CYP2B6: variants seen among roughly 807,000 people sequenced by gnomAD.
CYP2B6 encodes the protein cytochrome P450 family 2 subfamily B member 6.
In CYP2B6, 35 loss-of-function variants were observed where a neutral mutation model predicts 43.4. That is an observed-to-expected ratio of 0.81 (90% CI 0.62 to 1.07). The LOEUF (loss-of-function observed/expected upper bound fraction) is 1.07, where lower values mean the gene tolerates loss of function less well. Among genes scored for constraint, CYP2B6 ranks in the 50% least tolerant of loss-of-function variants. CYP2B6 has a pLI of 0.00. For synonymous variants in CYP2B6, 239 were observed against 239.2 expected, an observed-to-expected ratio of 1.00 and a Z score of 0.01; for missense variants, 624 against 632.8, an observed-to-expected ratio of 0.99 and a Z score of 0.15.
intron 1 of CYP2B6, among the ~76,000 whole-genome samples, chr19:40,999,052 G>A (rs1299854816): frequency 6.9e-6 from 1 of 144,026 alleles, no homozygotes; most frequent in East Asian, 2.0e-4. Flanking sequence ...CAGTGTAAAA[G>A]TGTTCCTATT....
chr19:41,016,550 G>C lies in CYP2B6; in HGVS notation c.1295-96G>C, dbSNP rs771841772. 818 of 1,305,570 alleles carry C rather than the reference G, an allele frequency of 6.3e-4. 1 individual carries two copies. The highest frequency in any genetic ancestry group is 7.7e-4 in the Non-Finnish European group (701 of 911,024). The allele number at this position is 1,305,570 out of a possible 1,614,324, so 80.9% of individuals were successfully genotyped here. On this transcript the variant is annotated intron_variant, in intron 8 of 8. Transcript: ENST00000324071. ...TTAAAGGCCAGTCTTATGCAAATCT[G>C]TTGCAGTGGACATTTGTGTCTGGGC...
At chr19:40,998,695 A>C (rs1969035351) in intron 1 of CYP2B6, among the ~76,000 whole-genome samples, 1 of 139,972 alleles carries the variant, frequency 7.1e-6, no homozygotes, top group Non-Finnish European at 1.5e-5. Flanking sequence ...TGTTCTTGCG[A>C]TAGTTTACTG....
chr19:40,995,747 A>G (rs1599841460), intron 1 of CYP2B6, among the ~76,000 whole-genome samples: 2 of 152,306 alleles, frequency 1.3e-5, no homozygotes, highest in South Asian at 4.1e-4. Flanking sequence ...ATCAATCAAT[A>G]ATACCTGAGA....
chr19:41,014,355 G>A (rs35412065), intron 8 of CYP2B6, among the ~76,000 whole-genome samples: 69 of 151,924 alleles, frequency 4.5e-4, no homozygotes, highest in African/African-American at 1.6e-3. Flanking sequence ...GCCCAGGCTG[G>A]AGTGCAGTGT....
In CYP2B6 at chr19:41,012,765, A is replaced by C; in HGVS notation, c.1244A>C (p.Asp415Ala). The change falls in exon 8 of 9, where the codon GAT becomes GCT. Residue 415 changes from aspartate to alanine, a missense_variant. Coordinates refer to ENST00000324071, the MANE Select transcript of CYP2B6 (RefSeq NM_000767.5). ...GCCTTCAATCCTGACCACTTTCTGG[A>C]TGCCAATGGGGCACTGAAAAAGACT... ...PDAFNPDHFL[D>A]ANGALKKTEA... 1 of 1,614,146 alleles carries C rather than the reference A, an allele frequency of 6.2e-7. No individual in the cohort carries two copies. The highest frequency in any genetic ancestry group is 8.5e-7 in the Non-Finnish European group (1 of 1,180,028).
In CYP2B6 at chr19:41,016,688, T is replaced by G; in HGVS notation, c.1337T>G (p.Leu446Trp). The G allele has an allele frequency of 6.2e-7, 1 of 1,614,214 alleles. No individual in the cohort carries two copies. The highest frequency in any genetic ancestry group is 8.5e-7 in the Non-Finnish European group (1 of 1,180,032). Residue 446 changes from leucine (L) to tryptophan (W), a missense_variant, in exon 9 of 9, where the codon TTG becomes TGG. Transcript: ENST00000324071. ...GGTGAAGGCATCGCCCGTGCGGAAT[T>G]GTTCCTCTTCTTCACCACCATCCTC... ...CLGEGIARAE[L>W]FLFFTTILQN...
intron 3 of CYP2B6, among the ~76,000 whole-genome samples, chr19:41,005,728 C>G (rs1969169337): frequency 1.3e-5 from 2 of 151,118 alleles, no homozygotes; most frequent in South Asian, 4.3e-4. Context: ...TTGCCGTGAG[C>G]TAAGATCACA....
rs139818840 is a variant in CYP2B6 at position 41,017,033 on chromosome 19, CATAT to C, written c.*217_*220del. On this transcript the variant is annotated 3_prime_UTR_variant, in exon 9 of 9. Transcript: ENST00000324071. ...TATCGAAAATTATAATATACAAAAT[CATAT>C]ATATATATATGTTCTTGTTTTTTGA... The C allele has an allele frequency of 4.1e-6, 2 of 487,352 alleles. No individual in the cohort carries two copies. The highest frequency in any genetic ancestry group is 3.7e-6 in the Non-Finnish European group (1 of 268,288). The allele number at this position is 487,352 out of a possible 1,614,324, so 30.2% of individuals were successfully genotyped here. A position where few individuals can be genotyped will look rare whatever the true frequency, so the allele number is the denominator to read the frequency against.
At chr19:41,003,818 C>T (rs2144666820) in intron 1 of CYP2B6, 183 bp from the exon 2 acceptor site, 1 of 786,070 alleles carries the variant, frequency 1.3e-6, no homozygotes. Flanking sequence ...ACTGTATTCT[C>T]TCCCTTGGAC....
rs1969381392 is a variant in CYP2B6, at chr19:41,017,007, T to C, written c.*180T>C. 1.7e-6 allele frequency: 1 copy of C among 580,164 alleles called. No homozygotes were observed. Among genetic ancestry groups the C allele is most frequent in the Admixed American group, 3.0e-5 (1 of 33,216 alleles). 35.9% of individuals were successfully genotyped at this position (580,164 alleles called of 1,614,324 possible). The stretch of plus-strand genomic sequence containing the variant: ...ATTGCAAGTGAGTGCAGGAGTGAGA[T>C]TATCGAAAATTATAATATACAAAAT... On this transcript the variant is annotated 3_prime_UTR_variant, in exon 9 of 9. Transcript: ENST00000324071.
intron 8 of CYP2B6, among the ~76,000 whole-genome samples, chr19:41,014,964 CAAAT>C (rs1969339061): frequency 6.6e-6 from 1 of 151,138 alleles, no homozygotes. Flanking sequence ...ATGAACAAGA[CAAAT>C]AAGGTATCTT....
chr19:41,009,967 C>T lies in CYP2B6; in HGVS notation c.823-27C>T, dbSNP rs769401686. On this transcript the variant is annotated intron_variant, in intron 5 of 8. Coordinates refer to ENST00000324071, the MANE Select transcript of CYP2B6 (RefSeq NM_000767.5). ...CAAGGCTACAGCCTCCCCTGACCCT[C>T]CCCTTCCTTCCCTACTGTGGACGCA... 6 of 1,613,794 alleles carry T rather than the reference C, an allele frequency of 3.7e-6. No homozygotes were observed. The African/African-American group carries it at 5.3e-5, about 14-fold the overall frequency.
chr19:41,017,838 G>T lies in CYP2B6; in HGVS notation c.*1011G>T, dbSNP rs1385334737. On this transcript the variant is annotated 3_prime_UTR_variant, in exon 9 of 9. Transcript: ENST00000324071. ...CAATTCTGAATATTTCCCATAAACA[G>T]AATCATACAATATTTGATTTTTTTT... The T allele has an allele frequency of 6.8e-6, 1 of 147,968 alleles. No homozygotes were observed. Among genetic ancestry groups the T allele is most frequent in the African/African-American group, 2.5e-5 (1 of 39,692 alleles). The allele number at this position is 147,968 out of a possible 1,614,324, so 9.2% of individuals were successfully genotyped here.
intron 1 of CYP2B6, among the ~76,000 whole-genome samples, chr19:41,002,007 CTA>C (rs1170607769): frequency 6.6e-6 from 1 of 151,562 alleles, no homozygotes; most frequent in Non-Finnish European, 1.5e-5. Flanking sequence ...GCAGGGGTGG[CTA>C]CAAGAATCCT....
Position 41,016,973 on chromosome 19 carries a change from T to C in CYP2B6, c.*146T>C. The C allele has an allele frequency of 1.4e-6, 1 of 736,494 alleles. No individual in the cohort carries two copies. Among genetic ancestry groups the C allele is most frequent in the Non-Finnish European group, 2.2e-6 (1 of 450,576 alleles). The allele number at this position is 736,494 out of a possible 1,614,324, so 45.6% of individuals were successfully genotyped here. A position where few individuals can be genotyped will look rare whatever the true frequency, so the allele number is the denominator to read the frequency against. On this transcript the variant is annotated 3_prime_UTR_variant, in exon 9 of 9. Coordinates refer to ENST00000324071, the MANE Select transcript of CYP2B6 (RefSeq NM_000767.5). The stretch of plus-strand genomic sequence containing the variant: ...CTTCCCCTCCATGGCACCAGTTGTC[T>C]GAGGTCACATTGCAAGTGAGTGCAG...
chr19:41,005,894 G>A (rs1334206334), intron 3 of CYP2B6, among the ~76,000 whole-genome samples: 1 of 152,078 alleles, frequency 6.6e-6, no homozygotes, highest in Admixed American at 6.6e-5. Flanking sequence ...GAAAATTAGA[G>A]AGACAGACAG....
At chr19:41,006,198 G>C (rs1292246064) in intron 3 of CYP2B6, among the ~76,000 whole-genome samples, 5 of 152,100 alleles carry the variant, frequency 3.3e-5, no homozygotes, top group African/African-American at 9.7e-5. Context: ...CTGTACCCAG[G>C]CTGGAGTGCA....
chr19:40,995,878 T>G (rs1269403248), intron 1 of CYP2B6, among the ~76,000 whole-genome samples: 1 of 152,134 alleles, frequency 6.6e-6, no homozygotes, highest in Non-Finnish European at 1.5e-5. Context: ...TAAATTAAGG[T>G]GATCACCGGT....
At chr19:41,016,194 G>A (rs1291232221) in intron 8 of CYP2B6, among the ~76,000 whole-genome samples, 5 of 152,018 alleles carry the variant, frequency 3.3e-5, no homozygotes, top group Admixed American at 2.6e-4. Context: ...TCAGGAGCTC[G>A]AGGCTAGCCT....
Sources: allele counts gnomAD v4.1 joint callset (sites outside exome capture counted in the v4.1 genomes callset), GRCh38; gene constraint gnomAD v4.1.1; transcripts MANE v1.5; gene names NCBI Gene and HGNC (gene_info 2026-07-23, HGNC 2026-07-21).